NPAS3: variants seen among roughly 807,000 people sequenced by gnomAD.
NPAS3 encodes neuronal PAS domain-containing protein 3.
In NPAS3, 14 loss-of-function variants were observed where a neutral mutation model predicts 73.1. That is an observed-to-expected ratio of 0.19 (90% confidence interval 0.13 to 0.30). The LOEUF (loss-of-function observed/expected upper bound fraction) is 0.30, where lower values mean the gene tolerates loss of function less well. Among genes scored for constraint, NPAS3 ranks in the 10% least tolerant of loss-of-function variants. NPAS3 has a pLI of 1.00. For missense variants in NPAS3, 1,096 were observed against 1,250.0 expected (o/e 0.88, Z 1.86); for synonymous variants, 620 against 541.5 (o/e 1.14, Z -2.01).
chr14:33,401,731 A>T (rs1276046815), intron 4 of NPAS3, among the ~76,000 whole-genome samples: 1 of 152,120 alleles, frequency 6.6e-6, no homozygotes, highest in Admixed American at 6.6e-5. Context: ...TTTTTGGGTC[A>T]TAACAATACC....
chr14:33,335,631 TGC>T (rs1203929100), intron 3 of NPAS3, among the ~76,000 whole-genome samples: 1 of 152,180 alleles, frequency 6.6e-6, no homozygotes, highest in Non-Finnish European at 1.5e-5. Flanking sequence ...TGCATCATAC[TGC>T]TAAGTGACAC....
intron 9 of NPAS3, among the ~76,000 whole-genome samples, chr14:33,784,750 T>TTATTTTTA (rs1555333514): frequency 1.2e-3 from 148 of 123,024 alleles, no homozygotes; most frequent in Middle Eastern, 7.8e-3. Flanking sequence ...TATTTATTTT[T>TTATTTTTA]TTTTTTTTTT....
intron 1 of NPAS3, among the ~76,000 whole-genome samples, chr14:33,026,566 G>A (rs2039809907): frequency 1.3e-5 from 2 of 150,926 alleles, no homozygotes; most frequent in Non-Finnish European, 3.0e-5. Context: ...TGTTCACTGT[G>A]TTCTTCTTGC....
intron 4 of NPAS3, among the ~76,000 whole-genome samples, chr14:33,460,709 G>C (rs2050222395): frequency 6.6e-6 from 1 of 151,948 alleles, no homozygotes; most frequent in African/African-American, 2.4e-5. Context: ...TTTTACTGTT[G>C]TTGTGGTTGT....
At chr14:33,623,696 G>A (rs922909877) in intron 5 of NPAS3, among the ~76,000 whole-genome samples, 1 of 152,136 alleles carries the variant, frequency 6.6e-6, no homozygotes, top group Non-Finnish European at 1.5e-5. Context: ...GACCTGCCAA[G>A]GCCTCCTCCC....
chr14:33,023,100 AAAG>A (rs1297972658), intron 1 of NPAS3, among the ~76,000 whole-genome samples: 1 of 152,180 alleles, frequency 6.6e-6, no homozygotes, highest in African/African-American at 2.4e-5. Flanking sequence ...TTTAAAAAAA[AAAG>A]AAAAGAGGCC....
intron 5 of NPAS3, among the ~76,000 whole-genome samples, chr14:33,622,965 C>A (rs1004572695): frequency 6.6e-6 from 1 of 152,130 alleles, no homozygotes; most frequent in Admixed American, 6.5e-5. Context: ...CCTTCAGATT[C>A]TTTTATTATC....
At chr14:33,567,057 T>A (rs1488800189) in intron 5 of NPAS3, among the ~76,000 whole-genome samples, 1 of 152,214 alleles carries the variant, frequency 6.6e-6, no homozygotes. Flanking sequence ...TCTGTTGATA[T>A]GTATGGATGT....
At chr14:33,210,372 T>G (rs963254361) in intron 2 of NPAS3, among the ~76,000 whole-genome samples, 2 of 152,178 alleles carry the variant, frequency 1.3e-5, no homozygotes, top group African/African-American at 4.8e-5. Context: ...TTTCAAACTT[T>G]TTTGGGGATA....
chr14:32,937,959 A>C (rs1326950598), upstream of NPAS3, among the ~76,000 whole-genome samples: 1 of 152,168 alleles, frequency 6.6e-6, no homozygotes, highest in African/African-American at 2.4e-5. Context: ...CTGAGTAGCC[A>C]GCCTTTCTCT....
chr14:33,699,334 T>C (rs2060468842), intron 6 of NPAS3, among the ~76,000 whole-genome samples: 1 of 152,202 alleles, frequency 6.6e-6, no homozygotes, highest in South Asian at 2.1e-4. Context: ...TGGATCCTTT[T>C]GTGATGAAAA....
exon 12 of NPAS3, chr14:33,799,790 G>A (rs1482872245): frequency 6.2e-7 from 1 of 1,610,660 alleles, no homozygotes; most frequent in African/African-American, 1.3e-5. Context: ...GAACAGCGAA[G>A]ACCCGGAGCC....
At chr14:33,542,385 G>A (rs903207142) in intron 4 of NPAS3, among the ~76,000 whole-genome samples, 7 of 152,188 alleles carry the variant, frequency 4.6e-5, no homozygotes, top group East Asian at 3.9e-4. Context: ...TTATCCACAC[G>A]TCATCTGCCC....
chr14:32,965,972 AT>A (rs1299059493), intron 1 of NPAS3, among the ~76,000 whole-genome samples: 1 of 152,196 alleles, frequency 6.6e-6, no homozygotes, highest in Non-Finnish European at 1.5e-5. Context: ...GATAAAAAAA[AT>A]CTAGGAATAA....
chr14:33,744,546 G>A (rs1172687231), intron 7 of NPAS3, among the ~76,000 whole-genome samples: 4 of 151,932 alleles, frequency 2.6e-5, no homozygotes, highest in African/African-American at 4.8e-5. Context: ...CCGGCATTCT[G>A]GGAGGCGAAG....
At chr14:33,339,461 G>A (rs1051262398) in intron 3 of NPAS3, among the ~76,000 whole-genome samples, 2 of 152,160 alleles carry the variant, frequency 1.3e-5, no homozygotes, top group African/African-American at 4.8e-5. Context: ...CAAAAAAGAT[G>A]AAAGCTACAT....
At chr14:33,579,341 G>A (rs1162561593) in intron 5 of NPAS3, among the ~76,000 whole-genome samples, 2 of 152,210 alleles carry the variant, frequency 1.3e-5, no homozygotes, top group African/African-American at 4.8e-5. Flanking sequence ...AACCTTTACA[G>A]CTAGAGAAGC....
chr14:33,797,517 A>G, exon 11 of NPAS3: 1 of 1,614,162 alleles, frequency 6.2e-7, no homozygotes, highest in East Asian at 2.2e-5. Context: ...TGCCGGAGAA[A>G]ACTTCCGAAT....
intron 5 of NPAS3, among the ~76,000 whole-genome samples, chr14:33,668,110 A>C (rs1322435119): frequency 2.6e-5 from 4 of 152,224 alleles, no homozygotes; most frequent in Non-Finnish European, 5.9e-5. Flanking sequence ...AATCCGAACA[A>C]GATCCTCCTT....
Sources: gnomAD v4.1 joint callset for allele counts (sites outside exome capture counted in the v4.1 genomes callset) on GRCh38, gnomAD v4.1.1 for gene constraint, MANE v1.5 for transcripts, NCBI Gene and HGNC (gene_info 2026-07-23, HGNC 2026-07-21) for gene names.